The following DPYD variants were observed in gnomAD, a reference collection of about 807,000 sequenced individuals.
DPYD encodes dihydropyrimidine dehydrogenase [NADP(+)].
In DPYD, 109 loss-of-function variants were observed where a neutral mutation model predicts 116.2. That is an observed-to-expected ratio of 0.94 (90% confidence interval 0.80 to 1.10). The LOEUF (loss-of-function observed/expected upper bound fraction) is 1.10. Among genes scored for constraint, DPYD ranks in the 50% least tolerant of loss-of-function variants. DPYD has a pLI of 0.00. For synonymous variants in DPYD, 440 were observed against 432.0 expected (o/e 1.02, Z -0.23); for missense variants, 1,302 against 1,254.5 (o/e 1.04, Z -0.57).
chr1:97,495,655 T>C (rs890345265), intron 13 of DPYD, among the ~76,000 whole-genome samples: 8 of 152,044 alleles, frequency 5.3e-5, no homozygotes, highest in African/African-American at 1.7e-4. Context: ...ATCATTATCA[T>C]TATTATTAAG....
chr1:97,678,082 T>C (rs905835807), intron 8 of DPYD, among the ~76,000 whole-genome samples: 3 of 152,288 alleles, frequency 2.0e-5, no homozygotes, highest in Non-Finnish European at 4.4e-5. Context: ...AGAAAATTTT[T>C]CCATGGACCG....
chr1:97,401,781 T>C (rs1435054251), intron 14 of DPYD, among the ~76,000 whole-genome samples: 1 of 152,194 alleles, frequency 6.6e-6, no homozygotes, highest in Non-Finnish European at 1.5e-5. Flanking sequence ...TACATTTAGA[T>C]GTATGATCCA....
At chr1:97,282,862 C>T (rs945079571) in intron 18 of DPYD, among the ~76,000 whole-genome samples, 2 of 152,128 alleles carry the variant, frequency 1.3e-5, no homozygotes. Flanking sequence ...TAATGGCCTC[C>T]AGCTTCATCC....
At chr1:97,649,489 G>C (rs1324496954) in intron 8 of DPYD, among the ~76,000 whole-genome samples, 1 of 151,934 alleles carries the variant, frequency 6.6e-6, no homozygotes, top group Non-Finnish European at 1.5e-5. Context: ...CTTAAAATAT[G>C]TTTCTTTTTC....
At chr1:97,520,184 A>G (rs1322552757) in intron 12 of DPYD, among the ~76,000 whole-genome samples, 1 of 152,174 alleles carries the variant, frequency 6.6e-6, no homozygotes, top group Non-Finnish European at 1.5e-5. Context: ...ACTTGGGGTT[A>G]AAAAGATGAA....
At chr1:97,742,027 G>A (rs1664296584) in intron 3 of DPYD, among the ~76,000 whole-genome samples, 1 of 152,098 alleles carries the variant, frequency 6.6e-6, no homozygotes. Context: ...ACGTGACAAG[G>A]TAGGTGAACT....
intron 3 of DPYD, chr1:97,798,000 A>G (rs1667661921): frequency 1.3e-5 from 2 of 152,130 alleles, no homozygotes; most frequent in African/African-American, 2.4e-5. Flanking sequence ...TCTGGGGAAC[A>G]TAACGTTCTG....
chr1:97,895,635 A>T (rs1185116514), intron 1 of DPYD, among the ~76,000 whole-genome samples: 3 of 151,728 alleles, frequency 2.0e-5, no homozygotes, highest in African/African-American at 7.2e-5. Context: ...TATCATATCT[A>T]TTTTTTGAGA....
At chr1:97,705,569 T>C (rs1462551858) in intron 5 of DPYD, among the ~76,000 whole-genome samples, 4 of 152,130 alleles carry the variant, frequency 2.6e-5, no homozygotes, top group South Asian at 2.1e-4. Flanking sequence ...GTCTTTGCTA[T>C]TGTGAATAGT....
intron 18 of DPYD, among the ~76,000 whole-genome samples, chr1:97,240,003 C>T (rs1662219394): frequency 6.6e-6 from 1 of 151,956 alleles, no homozygotes; most frequent in African/African-American, 2.4e-5. Context: ...TTGACATTGC[C>T]TTCTATGTTC....
chr1:97,255,128 GATA>G (rs1663361809), intron 18 of DPYD, among the ~76,000 whole-genome samples: 1 of 152,134 alleles, frequency 6.6e-6, no homozygotes, highest in South Asian at 2.1e-4. Context: ...TTTCTGCAAA[GATA>G]ATATATGTTT....
intron 19 of DPYD, among the ~76,000 whole-genome samples, chr1:97,207,386 G>T (rs1050399766): frequency 5.3e-5 from 8 of 152,074 alleles, no homozygotes; most frequent in African/African-American, 1.9e-4. Flanking sequence ...TTTCAAGGAT[G>T]CAGGGAGTAA....
At chr1:97,231,480 T>A (rs1661583972) in intron 19 of DPYD, among the ~76,000 whole-genome samples, 1 of 152,144 alleles carries the variant, frequency 6.6e-6, no homozygotes, top group Admixed American at 6.5e-5. Context: ...TCGTCTTACA[T>A]GGCGGCAGGC....
At chr1:97,628,453 T>A (rs1237791939) in intron 8 of DPYD, among the ~76,000 whole-genome samples, 1 of 152,090 alleles carries the variant, frequency 6.6e-6, no homozygotes, top group African/African-American at 2.4e-5. Flanking sequence ...AATCAGCTAG[T>A]GATAAGAGAA....
intron 8 of DPYD, among the ~76,000 whole-genome samples, chr1:97,641,462 A>G (rs1657898428): frequency 6.6e-6 from 1 of 152,160 alleles, no homozygotes; most frequent in African/African-American, 2.4e-5. Flanking sequence ...CATTTCCTAC[A>G]TAATCCATCA....
chr1:97,423,267 T>C (rs1250039489), intron 14 of DPYD, among the ~76,000 whole-genome samples: 9 of 152,252 alleles, frequency 5.9e-5, no homozygotes, highest in African/African-American at 1.7e-4. Flanking sequence ...TGAACAGCAC[T>C]GAATTCTTGA....
At chr1:97,747,225 A>G (rs570439234) in intron 3 of DPYD, among the ~76,000 whole-genome samples, 1 of 152,286 alleles carries the variant, frequency 6.6e-6, no homozygotes, top group East Asian at 1.9e-4. Context: ...AAGACAATGA[A>G]TACCAGAAAA....
chr1:97,204,632 C>G (rs1192702997), intron 19 of DPYD, among the ~76,000 whole-genome samples: 1 of 152,092 alleles, frequency 6.6e-6, no homozygotes, highest in Non-Finnish European at 1.5e-5. Flanking sequence ...AATACCAGGA[C>G]CAGCAGTATA....
intron 14 of DPYD, among the ~76,000 whole-genome samples, chr1:97,425,429 C>A (rs1674807934): frequency 6.6e-6 from 1 of 151,784 alleles, no homozygotes; most frequent in Admixed American, 6.6e-5. Context: ...AAATATTAAC[C>A]AAGAATATTG....
Sources: gnomAD v4.1 joint callset for allele counts (sites outside exome capture counted in the v4.1 genomes callset) on GRCh38, gnomAD v4.1.1 for gene constraint, MANE v1.5 for transcripts, NCBI Gene and HGNC (gene_info 2026-07-23, HGNC 2026-07-21) for gene names.